Variants in KDM4B observed in about 807,000 individuals in gnomAD.
KDM4B encodes lysine-specific demethylase 4B.
KDM4B carries 32 observed loss-of-function variants against 125.2 expected under a neutral mutation model. The ratio of observed to expected loss-of-function variants is 0.26; its 90% CI spans 0.19 to 0.34. The LOEUF (loss-of-function observed/expected upper bound fraction) is 0.34, where lower values mean the gene tolerates loss of function less well. Among genes scored for constraint, KDM4B ranks in the 10% least tolerant of loss-of-function variants. The probability of loss-of-function intolerance (pLI) is 1.00; values close to 1 mark genes in which losing one functional copy is unlikely to be tolerated. For synonymous variants in KDM4B, 721 were observed against 677.9 expected, an observed-to-expected ratio of 1.06 and a Z score of -0.99; for missense variants, 1,190 against 1,577.7, an observed-to-expected ratio of 0.75 and a Z score of 4.16.
intron 9 of KDM4B, among the ~76,000 whole-genome samples, chr19:5,084,124 A>G (rs1438021891): frequency 6.6e-6 from 1 of 151,806 alleles, no homozygotes; most frequent in Admixed American, 6.6e-5. Flanking sequence ...GTGGGCACCT[A>G]TAATCCCAGC....
intron 9 of KDM4B, among the ~76,000 whole-genome samples, chr19:5,091,207 C>T (rs746611883): frequency 2.6e-5 from 4 of 152,240 alleles, no homozygotes; most frequent in South Asian, 2.1e-4. Context: ...AGGGTCTCTC[C>T]TCCAGAGCCC....
Position 5,053,782 on chromosome 19 carries a change from C to T in KDM4B, c.626+6113C>T, listed in dbSNP as rs543937637. On this transcript the variant is annotated intron_variant, in intron 6 of 22. Transcript: ENST00000159111. ...GGCCCAGTGCCCAGGCCAGCTGCTA[C>T]GCCTGAGTAGTAGTTGCCACCAGCC... Among the ~76,000 whole-genome samples, 7 of 152,372 alleles carry T rather than the reference C, an allele frequency of 4.6e-5. No individual in the cohort carries two copies. In the East Asian group the frequency reaches 5.8e-4, roughly 13 times the overall value.
chr19:5,044,537 C>T (rs978499421), intron 5 of KDM4B, among the ~76,000 whole-genome samples: 5 of 152,224 alleles, frequency 3.3e-5, no homozygotes, highest in Admixed American at 6.5e-5. Context: ...GTGCTGTGAA[C>T]GTTTCTTGTG....
intron 6 of KDM4B, among the ~76,000 whole-genome samples, chr19:5,058,451 C>T (rs1228369358): frequency 6.6e-6 from 1 of 152,118 alleles, no homozygotes; most frequent in African/African-American, 2.4e-5. Context: ...GATGGGTGAC[C>T]AGCTCAGGAG....
intron 21 of KDM4B, among the ~76,000 whole-genome samples, chr19:5,148,556 C>T (rs1402631005): frequency 1.3e-5 from 2 of 152,162 alleles, no homozygotes; most frequent in Non-Finnish European, 2.9e-5. Flanking sequence ...TGCCAGAAGC[C>T]GAGAGGCCGA....
chr19:5,051,277 T>TC (rs1443727946), intron 6 of KDM4B, among the ~76,000 whole-genome samples: 1 of 152,174 alleles, frequency 6.6e-6, no homozygotes, highest in East Asian at 1.9e-4. Flanking sequence ...GGAGTGGCCA[T>TC]CCCCCCTCGA....
chr19:5,094,940 C>T (rs1322395284), intron 9 of KDM4B, among the ~76,000 whole-genome samples: 3 of 152,080 alleles, frequency 2.0e-5, no homozygotes, highest in Non-Finnish European at 2.9e-5. Flanking sequence ...GTCCTGTCAC[C>T]GTGCAGCTGA....
chr19:5,042,307 C>T (rs1211848883), intron 5 of KDM4B, among the ~76,000 whole-genome samples: 1 of 152,072 alleles, frequency 6.6e-6, no homozygotes, highest in East Asian at 1.9e-4. Context: ...TCAAGACCAG[C>T]TTGGCCAACA....
chr19:4,972,267 C>G (rs553420166), intron 1 of KDM4B, among the ~76,000 whole-genome samples: 30 of 152,288 alleles, frequency 2.0e-4, no homozygotes, highest in African/African-American at 6.7e-4. Flanking sequence ...ATTCAGATCC[C>G]TCCTCTGAGG....
rs1469526287 is a variant in KDM4B at position 5,036,077 on chromosome 19, A to AC, written c.141+3046_141+3047insC. Among the ~76,000 whole-genome samples the AC allele has an allele frequency of 1.1e-4, 17 of 152,126 alleles. No individual in the cohort carries two copies. In the South Asian group the frequency reaches 2.3e-3, roughly 20 times the overall value. On this transcript the variant is annotated intron_variant, in intron 3 of 22. Transcript: ENST00000159111. The stretch of plus-strand genomic sequence containing the variant: ...CCCTGGGCAGCCCTGCGTCTTCCAA[A>AC]TGGGGGGCCCTTGGCTCGGGGCAGC...
In KDM4B at chr19:5,123,111, C is replaced by T. The variant is rs576279737; in HGVS notation, c.1315+3259C>T. 2.6e-5 allele frequency among the ~76,000 whole-genome samples: 4 copies of T among 152,376 alleles called. No homozygotes were observed. In the East Asian group the frequency reaches 7.7e-4, roughly 29 times the overall value. ...ATGGAGAGGGACGGGGAACCAGCGC[C>T]TCCTGTCACCCTCGTCTGCCCTGGA... On this transcript the variant is annotated intron_variant, in intron 11 of 22. Coordinates refer to ENST00000159111, the MANE Select transcript of KDM4B (RefSeq NM_015015.3).
chr19:5,093,254 G>A (rs1361643620), intron 9 of KDM4B, among the ~76,000 whole-genome samples: 2 of 152,186 alleles, frequency 1.3e-5, no homozygotes, highest in Non-Finnish European at 1.5e-5. Flanking sequence ...TGATAGACTC[G>A]AGGCTACTTT....
chr19:5,082,372 G>T lies in KDM4B; in HGVS notation c.786G>T (p.Thr262=), dbSNP rs145535722. 1.4e-5 allele frequency: 23 copies of T among 1,613,462 alleles called. No homozygotes were observed. The highest frequency in any genetic ancestry group is 1.9e-5 in the Non-Finnish European group (22 of 1,179,942). Residue 262 remains threonine, a synonymous_variant, in exon 9 of 23, where the codon ACG becomes ACT. Coordinates refer to ENST00000159111, the MANE Select transcript of KDM4B (RefSeq NM_015015.3). The surrounding 1 kb of genome is among the most constrained non-coding windows in gnomAD (Gnocchi z 5.4). ...KKYGIPFSRI[T]QEAGEFMITF... The stretch of plus-strand genomic sequence containing the variant: ...TGTCTCCTTTCCCTCTGCAGATCAC[G>T]CAGGAGGCCGGGGAATTCATGATCA...
In KDM4B at chr19:5,109,041, G is replaced by C. The variant is rs185465566; in HGVS notation, c.919-1581G>C. On this transcript the variant is annotated intron_variant, in intron 9 of 22. Transcript: ENST00000159111. ...TGCCCGCAGGTCAACTCTGTCCCTG[G>C]CCTCTGTTTATTAATAAAGTTTTAT... Among the ~76,000 whole-genome samples the C allele has an allele frequency of 3.2e-4, 48 of 152,318 alleles. No homozygotes were observed. In the East Asian group the frequency reaches 8.9e-3, roughly 28 times the overall value.
chr19:4,992,820 C>T (rs2035071013), intron 1 of KDM4B, among the ~76,000 whole-genome samples: 1 of 152,162 alleles, frequency 6.6e-6, no homozygotes, highest in South Asian at 2.1e-4. Context: ...TATTTTCTTC[C>T]TGTTCAACCC....
chr19:5,137,229 C>T (rs1320730422), intron 15 of KDM4B, 33 bp from the exon 16 acceptor site: 2 of 1,541,222 alleles, frequency 1.3e-6, no homozygotes, highest in East Asian at 2.4e-5. Context: ...TCACCTGCCC[C>T]CCAGATCTCA....
Position 5,016,290 on chromosome 19 carries a change from TC to T in KDM4B, c.-73del, listed in dbSNP as rs1354438954. 13 of 152,200 alleles carry T rather than the reference TC, an allele frequency of 8.5e-5. No homozygotes were observed. The highest frequency in any genetic ancestry group is 2.2e-4 in the African/African-American group (9 of 41,444). 9.4% of individuals were successfully genotyped at this position (152,200 alleles called of 1,614,324 possible). On this transcript the variant is annotated 5_prime_UTR_variant, in exon 2 of 23. Coordinates refer to ENST00000159111, the MANE Select transcript of KDM4B (RefSeq NM_015015.3). Reference sequence around the variant, plus strand: ...ACTGTTGCTGGAGGCACCTGACAAATCCTAGCGAATTTTTGGAGCATCTCCA... The same window carrying T: ...ACTGTTGCTGGAGGCACCTGACAAATCTAGCGAATTTTTGGAGCATCTCCA...
intron 1 of KDM4B, among the ~76,000 whole-genome samples, chr19:4,976,189 C>T (rs769440003): frequency 6.9e-6 from 1 of 144,844 alleles, no homozygotes; most frequent in East Asian, 2.1e-4. Context: ...GCAGGGGTTG[C>T]AGTGAGCTGA....
intron 1 of KDM4B, among the ~76,000 whole-genome samples, chr19:4,994,020 G>GTTTTTTTTTTT (rs55641886): frequency 1.8e-3 from 120 of 66,676 alleles, no homozygotes; most frequent in Middle Eastern, 0.016. Context: ...TTTTCAGCCT[G>GTTTTTTTTTTT]TTTTTTTTTT....
Sources: allele counts gnomAD v4.1 joint callset (sites outside exome capture counted in the v4.1 genomes callset), GRCh38; gene constraint gnomAD v4.1.1; non-coding constraint Gnocchi (gnomAD v3.1); transcripts MANE v1.5; gene names NCBI Gene and HGNC (gene_info 2026-07-23, HGNC 2026-07-21).